Variants in XKR9 observed in about 807,000 individuals in gnomAD.
The protein encoded by XKR9 is XK related 9.
A neutral mutation model predicts 32.0 loss-of-function variants in XKR9; 32 were observed. The observed-to-expected ratio is 1.00, with a 90% confidence interval of 0.76 to 1.34. The LOEUF is 1.34. Ranked by LOEUF, XKR9 falls within the 40% of genes most tolerant of loss-of-function variation. The pLI is 0.00. For missense variants in XKR9, 546 were observed against 429.7 expected (o/e 1.27, Z -2.39); for synonymous variants, 168 against 143.4 (o/e 1.17, Z -1.22).
chr8:71,005,037 G>T, the XKR9 span, among the ~76,000 whole-genome samples: 1 of 88,222 alleles, frequency 1.1e-5, no homozygotes, highest in Non-Finnish European at 2.3e-5. Flanking sequence ...TAGAGTTGGA[G>T]TCTTGCTATG....
At chr8:70,741,424 T>G (rs993522597) in intron 2 of XKR9, among the ~76,000 whole-genome samples, 2 of 152,222 alleles carry the variant, frequency 1.3e-5, no homozygotes, top group African/African-American at 2.4e-5. Context: ...AAACTTTTCT[T>G]TATAAATTAC....
chr8:70,764,310 G>T (rs189483933), intron 2 of XKR9, among the ~76,000 whole-genome samples: 1 of 152,040 alleles, frequency 6.6e-6, no homozygotes, highest in Non-Finnish European at 1.5e-5. Context: ...GTCCCAAAGG[G>T]CCAAAAACCT....
chr8:70,756,698 T>A (rs1807231142), intron 2 of XKR9, among the ~76,000 whole-genome samples: 1 of 152,240 alleles, frequency 6.6e-6, no homozygotes, highest in South Asian at 2.1e-4. Flanking sequence ...TTGATTTTTG[T>A]ATATTAATCT....
the XKR9 span, among the ~76,000 whole-genome samples, chr8:71,005,223 T>TCC: frequency 8.6e-6 from 1 of 116,114 alleles, no homozygotes; most frequent in South Asian, 2.3e-4. Flanking sequence ...TCTTTTCTTT[T>TCC]TCTTTTTTTT....
At chr8:70,845,934 C>A in the XKR9 span, among the ~76,000 whole-genome samples, 2 of 152,114 alleles carry the variant, frequency 1.3e-5, no homozygotes, top group Non-Finnish European at 2.9e-5. Flanking sequence ...TTTAGACATA[C>A]AATTATAAGA....
At chr8:70,894,383 G>A in the XKR9 span, among the ~76,000 whole-genome samples, 4 of 152,240 alleles carry the variant, frequency 2.6e-5, no homozygotes, top group South Asian at 8.3e-4. Context: ...AGCTAGTTCA[G>A]TTCCAGGGAA....
chr8:70,998,708 A>G, the XKR9 span, among the ~76,000 whole-genome samples: 2 of 152,184 alleles, frequency 1.3e-5, no homozygotes, highest in African/African-American at 4.8e-5. Context: ...TGCTTCCTTT[A>G]GTGGGGAAAG....
At chr8:70,767,208 G>A (rs1342918526) in intron 2 of XKR9, among the ~76,000 whole-genome samples, 3 of 152,136 alleles carry the variant, frequency 2.0e-5, no homozygotes, top group East Asian at 1.9e-4. Context: ...GGTAGAATTC[G>A]GCTGTGAATC....
At chr8:70,751,592 C>T (rs1586883022) in intron 2 of XKR9, among the ~76,000 whole-genome samples, 2 of 152,076 alleles carry the variant, frequency 1.3e-5, no homozygotes, top group East Asian at 1.9e-4. Context: ...GGGTAGGTAC[C>T]ATACGATCAT....
At chr8:71,045,176 G>A in the XKR9 span, among the ~76,000 whole-genome samples, 1 of 152,142 alleles carries the variant, frequency 6.6e-6, no homozygotes, top group Non-Finnish European at 1.5e-5. Flanking sequence ...GAAGCTGTAG[G>A]TTATAAATCT....
chr8:70,731,272 A>G (rs1806654103), intron 4 of XKR9, among the ~76,000 whole-genome samples: 1 of 152,148 alleles, frequency 6.6e-6, no homozygotes, highest in Non-Finnish European at 1.5e-5. Context: ...ACACACAGAG[A>G]AAGAGAGAGA....
At chr8:70,764,288 T>G (rs1445028791) in intron 2 of XKR9, among the ~76,000 whole-genome samples, 1 of 152,140 alleles carries the variant, frequency 6.6e-6, no homozygotes, top group Non-Finnish European at 1.5e-5. Context: ...TGCACAGCAG[T>G]TTTGCAATGG....
At chr8:70,831,602 C>T in the XKR9 span, among the ~76,000 whole-genome samples, 1 of 151,994 alleles carries the variant, frequency 6.6e-6, no homozygotes, top group African/African-American at 2.4e-5. Context: ...ATGATTTGTG[C>T]AGATATTTGC....
the XKR9 span, among the ~76,000 whole-genome samples, chr8:70,904,421 A>G: frequency 4.6e-5 from 7 of 151,674 alleles, no homozygotes; most frequent in African/African-American, 1.7e-4. Context: ...CTCTTTTGTC[A>G]GAGACTGGGA....
chr8:70,987,167 A>T, the XKR9 span, among the ~76,000 whole-genome samples: 2 of 152,126 alleles, frequency 1.3e-5, no homozygotes, highest in East Asian at 3.9e-4. Flanking sequence ...AAACCATATC[A>T]TTCAGCCCCT....
intron 2 of XKR9, among the ~76,000 whole-genome samples, chr8:70,751,230 A>G (rs1367346908): frequency 6.6e-6 from 1 of 152,158 alleles, no homozygotes; most frequent in Non-Finnish European, 1.5e-5. Context: ...TGGGGGTTTA[A>G]GGGATTCTCC....
At chr8:70,967,016 T>C in the XKR9 span, among the ~76,000 whole-genome samples, 1 of 151,750 alleles carries the variant, frequency 6.6e-6, no homozygotes, top group African/African-American at 2.4e-5. Flanking sequence ...TGTGTGTCTT[T>C]GCACATGAGA....
At chr8:70,965,504 G>C in the XKR9 span, among the ~76,000 whole-genome samples, 1 of 152,170 alleles carries the variant, frequency 6.6e-6, no homozygotes, top group African/African-American at 2.4e-5. Flanking sequence ...CAATTGTTTG[G>C]AATTGTTTCA....
chr8:70,701,578 G>A (rs965568989), intron 3 of XKR9, among the ~76,000 whole-genome samples: 5 of 152,154 alleles, frequency 3.3e-5, no homozygotes, highest in Non-Finnish European at 5.9e-5. Flanking sequence ...TACTGAGATA[G>A]ACAGTGAGAA....
Sources: allele counts gnomAD v4.1 joint callset (sites outside exome capture counted in the v4.1 genomes callset), GRCh38; gene constraint gnomAD v4.1.1; transcripts MANE v1.5; gene names NCBI Gene and HGNC (gene_info 2026-07-23, HGNC 2026-07-21).